Variants in TNIP1 observed in about 807,000 individuals in gnomAD.
TNIP1 encodes the protein TNFAIP3 interacting protein 1.
TNIP1 carries 22 observed loss-of-function variants against 86.6 expected under a neutral mutation model. That is an observed-to-expected ratio of 0.25 (90% confidence interval 0.18 to 0.36). The LOEUF is 0.36. Ranked by LOEUF, TNIP1 falls within the 10% of genes least tolerant of loss-of-function variation. TNIP1 has a pLI of 1.00. For synonymous variants in TNIP1, 294 were observed against 313.0 expected, an observed-to-expected ratio of 0.94 and a Z score of 0.64; for missense variants, 709 against 820.6, an observed-to-expected ratio of 0.86 and a Z score of 1.66.
chr5:151,055,334 A>G (rs1760518779), intron 6 of TNIP1, among the ~76,000 whole-genome samples: 1 of 152,202 alleles, frequency 6.6e-6, no homozygotes, highest in African/African-American at 2.4e-5. Context: ...AAAATAACAG[A>G]GGTTGGCAGG....
chr5:151,033,339 T>C (rs56003867), intron 16 of TNIP1: 14,748 of 353,826 alleles, frequency 0.042, 399 homozygotes, highest in Non-Finnish European at 0.058. Flanking sequence ...CTGGAGGGAG[T>C]CCTCCTTCCC....
At chr5:151,070,892 C>T (rs2113774581) in intron 1 of TNIP1, among the ~76,000 whole-genome samples, 1 of 152,072 alleles carries the variant, frequency 6.6e-6, no homozygotes, top group East Asian at 1.9e-4. Context: ...ACCCATAGAA[C>T]ATACACCACC....
At position 151,039,162 on chromosome 5, in the gene TNIP1, C is replaced by G. The variant is rs1480815406; in HGVS notation, c.1198G>C (p.Asp400His). The change falls in exon 12 of 18, where the codon GAT becomes CAT. Residue 400 changes from aspartate to histidine, a missense_variant. Transcript: ENST00000521591. ...TGTCGGGTGAGTGGGCTCAGCTGATCCTGCAGGTACTTGACCTTTTGGCGC... is the reference window on the plus strand; with the variant it reads ...TGTCGGGTGAGTGGGCTCAGCTGATGCTGCAGGTACTTGACCTTTTGGCGC... ...ELRQKVKYLQ[D>H]QLSPLTRQRE... The G allele has an allele frequency of 6.2e-7, 1 of 1,613,870 alleles. No homozygotes were observed. Among genetic ancestry groups the G allele is most frequent in the South Asian group, 1.1e-5 (1 of 91,074 alleles).
upstream of TNIP1, among the ~76,000 whole-genome samples, chr5:151,082,535 C>T (rs923137738): frequency 7.9e-5 from 12 of 152,220 alleles, no homozygotes; most frequent in African/African-American, 2.9e-4. Flanking sequence ...GCAGGGCTCT[C>T]TTCCTATTCC....
intron 1 of TNIP1, among the ~76,000 whole-genome samples, chr5:151,071,429 T>C (rs568500649): frequency 1.4e-4 from 22 of 152,192 alleles, no homozygotes; most frequent in Non-Finnish European, 2.5e-4. Flanking sequence ...GCTGCAAAAA[T>C]AGTAATAACA....
At position 151,042,615 on chromosome 5, in the gene TNIP1, C is replaced by T; in HGVS notation, c.1059G>A (p.Glu353=). Residue 353 remains glutamate, a synonymous_variant, in exon 11 of 18, where the codon GAG becomes GAA. Coordinates refer to ENST00000521591, the MANE Select transcript of TNIP1 (RefSeq NM_006058.5). ...CACGCTGCTTCTGCTCCCGCTCGGC[C>T]TCCAGGTCAGTCACCTGCTTCTGCA... ...ADLQKQVTDL[E]AEREQKQRDF... is the part of the protein sequence containing the mutation. 1.2e-6 allele frequency: 2 copies of T among 1,614,044 alleles called. No homozygotes were observed. The highest frequency in any genetic ancestry group is 1.7e-6 in the Non-Finnish European group (2 of 1,180,050).
chr5:151,033,216 G>A (rs1757152187), intron 16 of TNIP1, among the ~76,000 whole-genome samples: 1 of 151,116 alleles, frequency 6.6e-6, no homozygotes, highest in African/African-American at 2.4e-5. Context: ...GGGAGGGGAG[G>A]GGAGAGGAAA....
chr5:151,081,576 A>C (rs745429515), upstream of TNIP1, among the ~76,000 whole-genome samples: 1 of 152,222 alleles, frequency 6.6e-6, no homozygotes, highest in Non-Finnish European at 1.5e-5. Flanking sequence ...TGCTCCAGAC[A>C]TTGTAAAGGA....
At chr5:151,038,991 G>T in intron 12 of TNIP1, 106 bp downstream of exon 12, 1 of 1,442,208 alleles carries the variant, frequency 6.9e-7, no homozygotes, top group Non-Finnish European at 9.2e-7. Flanking sequence ...TCACTGACTG[G>T]GGGTTACCCT....
intron 15 of TNIP1, 44 bp downstream of exon 15, chr5:151,034,958 G>A: frequency 6.2e-7 from 1 of 1,608,866 alleles, no homozygotes; most frequent in Non-Finnish European, 8.5e-7. Context: ...CCATGAGGAA[G>A]GTAAGAGGAT....
chr5:151,056,522 G>A (rs550528749), intron 6 of TNIP1, among the ~76,000 whole-genome samples: 2 of 152,226 alleles, frequency 1.3e-5, no homozygotes, highest in South Asian at 4.1e-4. Context: ...GGCTGCTGGG[G>A]GTATCCCCAA....
At chr5:151,084,120 A>C (rs1422955009), upstream of TNIP1, among the ~76,000 whole-genome samples, 2 of 152,240 alleles carry the variant, frequency 1.3e-5, no homozygotes, top group African/African-American at 4.8e-5. Context: ...CATAGAACTC[A>C]GAGTGCCAGG....
chr5:151,050,008 C>A (rs1759699402), intron 7 of TNIP1, 61 bp from the exon 8 acceptor site: 1 of 1,605,128 alleles, frequency 6.2e-7, no homozygotes, highest in South Asian at 1.1e-5. Context: ...ACCTACAGGG[C>A]TCCTTAATGC....
In TNIP1 at chr5:151,049,830, C is replaced by T. The variant is rs1285879478; in HGVS notation, c.840G>A (p.Gln280=). Residue 280 remains glutamine (Q), a synonymous_variant, in exon 8 of 18, where the codon CAG becomes CAA. Transcript: ENST00000521591. Reference sequence around the variant, plus strand: ...GGAATTTCTGACCACATACCTGCTGCTGTCCAGCCACTGCCTTCTTGCCTG... The same window carrying T: ...GGAATTTCTGACCACATACCTGCTGTTGTCCAGCCACTGCCTTCTTGCCTG... ...EGTGKKAVAG[Q]QQASVTAGKV... 6.2e-7 allele frequency: 1 copy of T among 1,614,208 alleles called. No individual in the cohort carries two copies. The highest frequency in any genetic ancestry group is 1.7e-5 in the Admixed American group (1 of 60,026).
At chr5:151,074,596 G>A (rs1763171455) in intron 1 of TNIP1, among the ~76,000 whole-genome samples, 1 of 152,198 alleles carries the variant, frequency 6.6e-6, no homozygotes, top group African/African-American at 2.4e-5. Flanking sequence ...TGGCTGCCAA[G>A]GAGCTAGGAA....
chr5:151,039,136 C>T lies in TNIP1; in HGVS notation c.1224G>A (p.Gln408=), dbSNP rs1250469077. ...LQDQLSPLTR[Q]REYQEKEIQR... ...GGATCTCCTTTTCCTGGTACTCACG[C>T]TGTCGGGTGAGTGGGCTCAGCTGAT... Residue 408 remains glutamine (Q), a synonymous_variant, in exon 12 of 18, where the codon CAG becomes CAA. Transcript: ENST00000521591. The T allele has an allele frequency of 6.2e-7, 1 of 1,613,988 alleles. No individual in the cohort carries two copies. The highest frequency in any genetic ancestry group is 2.2e-5 in the East Asian group (1 of 44,890).
At chr5:151,052,116 C>A (rs1157441431) in intron 7 of TNIP1, 49 bp downstream of exon 7, 1 of 1,555,994 alleles carries the variant, frequency 6.4e-7, no homozygotes, top group Non-Finnish European at 8.8e-7. Context: ...CCAGCCCCTC[C>A]TCCTGCAGCC....
intron 10 of TNIP1, 73 bp from the exon 11 acceptor site, chr5:151,042,744 C>A: frequency 6.2e-7 from 1 of 1,602,402 alleles, no homozygotes; most frequent in Non-Finnish European, 8.5e-7. Context: ...CAGGGCCTGG[C>A]TGCCCCTGGG....
At chr5:151,079,575 TC>T (rs1286433360) in intron 1 of TNIP1, among the ~76,000 whole-genome samples, 3 of 150,968 alleles carry the variant, frequency 2.0e-5, no homozygotes, top group African/African-American at 7.3e-5. Context: ...TGAGCCGAGA[TC>T]GTGCCACTGC....
Sources: gnomAD v4.1 joint callset for allele counts (sites outside exome capture counted in the v4.1 genomes callset) on GRCh38, gnomAD v4.1.1 for gene constraint, MANE v1.5 for transcripts, NCBI Gene and HGNC (gene_info 2026-07-23, HGNC 2026-07-21) for gene names.